SGCZ: variants seen among roughly 807,000 people sequenced by gnomAD.
The protein encoded by SGCZ is zeta-sarcoglycan.
SGCZ carries 40 observed loss-of-function variants against 41.3 expected under a neutral mutation model. The ratio of observed to expected loss-of-function variants is 0.97; its 90% CI spans 0.75 to 1.26. SGCZ has a LOEUF of 1.26. SGCZ is among the 50% of genes most tolerant of loss of function. SGCZ has a pLI of 0.00. For missense variants in SGCZ, 552 were observed against 369.8 expected, an observed-to-expected ratio of 1.49 and a Z score of -4.04; for synonymous variants, 206 against 137.5, an observed-to-expected ratio of 1.50 and a Z score of -3.49.
chr8:14,553,788 A>G (rs982127000), intron 2 of SGCZ, among the ~76,000 whole-genome samples: 3 of 152,020 alleles, frequency 2.0e-5, no homozygotes, highest in Non-Finnish European at 4.4e-5. Context: ...CAAACAAACA[A>G]ACTTAAACAG....
chr8:14,927,449 A>G (rs1053517700), intron 1 of SGCZ, among the ~76,000 whole-genome samples: 3 of 152,084 alleles, frequency 2.0e-5, no homozygotes, highest in African/African-American at 7.2e-5. Flanking sequence ...AAACACTTCA[A>G]AAGTGGATTT....
At chr8:14,228,161 A>C (rs1806438078) in intron 4 of SGCZ, among the ~76,000 whole-genome samples, 1 of 152,082 alleles carries the variant, frequency 6.6e-6, no homozygotes, top group Non-Finnish European at 1.5e-5. Flanking sequence ...ATTTCCAAAG[A>C]CATGTTTCTT....
intron 1 of SGCZ, among the ~76,000 whole-genome samples, chr8:14,693,484 G>T (rs1482596419): frequency 6.7e-6 from 1 of 149,350 alleles, no homozygotes; most frequent in African/African-American, 2.5e-5. Context: ...TAGAGACAGG[G>T]TTTCACCATG....
At chr8:14,219,181 G>T (rs1806102716) in intron 4 of SGCZ, among the ~76,000 whole-genome samples, 1 of 152,168 alleles carries the variant, frequency 6.6e-6, no homozygotes, top group Non-Finnish European at 1.5e-5. Flanking sequence ...GTGATGACCA[G>T]CTCAGTGGAT....
intron 2 of SGCZ, among the ~76,000 whole-genome samples, chr8:14,414,867 A>C (rs1359743159): frequency 6.6e-6 from 1 of 151,980 alleles, no homozygotes; most frequent in Non-Finnish European, 1.5e-5. Flanking sequence ...CAAAATTGGA[A>C]GTTTTAATGT....
At chr8:14,831,631 T>TGTGTGTGTGTGTACACATAGACAC (rs1802531265) in intron 1 of SGCZ, among the ~76,000 whole-genome samples, 1 of 77,050 alleles carries the variant, frequency 1.3e-5, no homozygotes, top group African/African-American at 4.3e-5. Context: ...CATAGACACA[T>TGTGTGTGTGTGTACACATAGACAC]ATGTGTGTGT....
At chr8:15,035,160 A>T in intron 1 of SGCZ, among the ~76,000 whole-genome samples, 1 of 152,106 alleles carries the variant, frequency 6.6e-6, no homozygotes, top group Non-Finnish European at 1.5e-5. Context: ...TTGCTAGGGG[A>T]AACACAATAT....
chr8:14,558,872 AC>A (rs1223707559), intron 1 of SGCZ, among the ~76,000 whole-genome samples: 1 of 152,144 alleles, frequency 6.6e-6, no homozygotes, highest in Non-Finnish European at 1.5e-5. Flanking sequence ...AGAATCAGAA[AC>A]AAAAATCACA....
chr8:15,179,840 T>A (rs1800113894), intron 1 of SGCZ, among the ~76,000 whole-genome samples: 1 of 152,114 alleles, frequency 6.6e-6, no homozygotes, highest in African/African-American at 2.4e-5. Context: ...AAGGTACTTT[T>A]CTCAAACAGA....
intron 2 of SGCZ, among the ~76,000 whole-genome samples, chr8:14,337,204 T>C (rs1220935910): frequency 6.6e-6 from 1 of 152,096 alleles, no homozygotes; most frequent in Non-Finnish European, 1.5e-5. Context: ...CACAAAAAAG[T>C]CTGCAATTGT....
At chr8:14,191,678 T>C (rs544384634) in intron 4 of SGCZ, among the ~76,000 whole-genome samples, 3 of 152,248 alleles carry the variant, frequency 2.0e-5, no homozygotes, top group South Asian at 4.1e-4. Flanking sequence ...GAACTTGAGA[T>C]TGTATCACTA....
chr8:14,871,824 G>GTA (rs111251530), intron 1 of SGCZ, among the ~76,000 whole-genome samples: 5,991 of 147,660 alleles, frequency 0.041, 325 homozygotes, highest in African/African-American at 0.13. Context: ...ATATGTGTGT[G>GTA]TATATATATA....
At chr8:14,254,446 G>C (rs1042808198) in intron 3 of SGCZ, among the ~76,000 whole-genome samples, 2 of 152,304 alleles carry the variant, frequency 1.3e-5, no homozygotes, top group Non-Finnish European at 2.9e-5. Context: ...CCAGGTGTAG[G>C]TAGAGCATTA....
chr8:15,120,646 G>A (rs958364770), intron 1 of SGCZ, among the ~76,000 whole-genome samples: 17 of 152,032 alleles, frequency 1.1e-4, no homozygotes, highest in African/African-American at 3.6e-4. Flanking sequence ...CTTTTATAAA[G>A]GTTCCATTAT....
intron 1 of SGCZ, among the ~76,000 whole-genome samples, chr8:14,815,249 T>G (rs1010718316): frequency 6.6e-6 from 1 of 152,086 alleles, no homozygotes. Context: ...TTTTCTTTTT[T>G]TTTTTTGAAA....
intron 2 of SGCZ, among the ~76,000 whole-genome samples, chr8:14,445,967 C>T (rs979695799): frequency 4.6e-5 from 7 of 152,110 alleles, no homozygotes; most frequent in African/African-American, 1.7e-4. Flanking sequence ...TGGCCAGATC[C>T]CACACACATT....
At chr8:14,504,067 T>A (rs963706585) in intron 2 of SGCZ, among the ~76,000 whole-genome samples, 1 of 152,134 alleles carries the variant, frequency 6.6e-6, no homozygotes, top group Non-Finnish European at 1.5e-5. Flanking sequence ...TTCCAAAGAG[T>A]TCTTCCCTCT....
intron 2 of SGCZ, among the ~76,000 whole-genome samples, chr8:14,476,196 C>A (rs1475546626): frequency 6.6e-6 from 1 of 152,108 alleles, no homozygotes; most frequent in Non-Finnish European, 1.5e-5. Flanking sequence ...TCTGTATTAG[C>A]ATTTGAATCT....
chr8:14,532,344 T>C lies in SGCZ; in HGVS notation c.234+22388A>G, dbSNP rs112916574. Reference sequence around the variant, plus strand: ...AAGCTGAATGGAGTCTTGGTAAAGCTAACTAGTGGTCTTTAGCAGGTAGAA... The same window carrying C: ...AAGCTGAATGGAGTCTTGGTAAAGCCAACTAGTGGTCTTTAGCAGGTAGAA... On this transcript the variant is annotated intron_variant, in intron 2 of 7. Coordinates refer to ENST00000382080, the MANE Select transcript of SGCZ (RefSeq NM_139167.4). Among the ~76,000 whole-genome samples, 365 of 152,198 alleles carry C rather than the reference T, an allele frequency of 2.4e-3. 2 individuals carry two copies. The highest frequency in any genetic ancestry group is 8.3e-3 in the African/African-American group (347 of 41,560).
Sources: allele counts gnomAD v4.1 joint callset (sites outside exome capture counted in the v4.1 genomes callset), GRCh38; gene constraint gnomAD v4.1.1; transcripts MANE v1.5; gene names NCBI Gene and HGNC (gene_info 2026-07-23, HGNC 2026-07-21).